Variants in KLRG1 observed in about 807,000 individuals in gnomAD.
KLRG1 encodes killer cell lectin like receptor G1.
KLRG1 carries 16 observed loss-of-function variants against 21.8 expected under a neutral mutation model. That is an observed-to-expected ratio of 0.73 (90% CI 0.50 to 1.11). The LOEUF is 1.11. KLRG1 is among the 50% of genes most tolerant of loss of function. The pLI, the probability that KLRG1 is intolerant of heterozygous loss-of-function variation, is 0.00. For missense variants in KLRG1, 173 were observed against 218.3 expected, an observed-to-expected ratio of 0.79 and a Z score of 1.31; for synonymous variants, 69 against 75.9, an observed-to-expected ratio of 0.91 and a Z score of 0.47.
At chr12:9,061,267 T>A in the KLRG1 span, among the ~76,000 whole-genome samples, 1 of 152,134 alleles carries the variant, frequency 6.6e-6, no homozygotes, top group Non-Finnish European at 1.5e-5. Flanking sequence ...CTTTTTTCTC[T>A]TAGAAAAATA....
At chr12:9,090,287 C>G in the KLRG1 span, 1 of 1,605,534 alleles carries the variant, frequency 6.2e-7, no homozygotes, top group South Asian at 1.1e-5. Context: ...AAGTAGCACT[C>G]AATATAAGGT....
chr12:9,071,425 G>GAA, the KLRG1 span, among the ~76,000 whole-genome samples: 6 of 151,244 alleles, frequency 4.0e-5, no homozygotes, highest in Admixed American at 1.3e-4. Flanking sequence ...CAAATTAAAT[G>GAA]AAAAAAATAT....
the KLRG1 span, among the ~76,000 whole-genome samples, chr12:9,105,760 A>C: frequency 6.6e-6 from 1 of 152,220 alleles, no homozygotes; most frequent in Non-Finnish European, 1.5e-5. Context: ...TAAATATACT[A>C]TCCATGAAAT....
chr12:9,121,595 T>C, the KLRG1 span, among the ~76,000 whole-genome samples: 2 of 152,208 alleles, frequency 1.3e-5, no homozygotes, highest in Non-Finnish European at 2.9e-5. The surrounding 1 kb of genome is among the most constrained non-coding windows in gnomAD (Gnocchi z 4.4). Flanking sequence ...CGTTTTATCT[T>C]TTTAATCAGG....
At chr12:9,112,670 G>C in the KLRG1 span, 1 of 901,678 alleles carries the variant, frequency 1.1e-6, no homozygotes, top group East Asian at 2.7e-5. Context: ...AGGGAAAGTT[G>C]GCATGGACAG....
At chr12:9,114,902 C>A in the KLRG1 span, among the ~76,000 whole-genome samples, 3 of 152,052 alleles carry the variant, frequency 2.0e-5, no homozygotes, top group African/African-American at 7.2e-5. Context: ...AAGTATGATT[C>A]ATACATATTA....
chr12:9,059,944 C>T, the KLRG1 span, among the ~76,000 whole-genome samples: 2 of 149,618 alleles, frequency 1.3e-5, no homozygotes, highest in Admixed American at 6.7e-5. Context: ...CCTCCCAAAC[C>T]AAAGTGTTGG....
At chr12:9,049,066 C>A in the KLRG1 span, among the ~76,000 whole-genome samples, 2 of 152,166 alleles carry the variant, frequency 1.3e-5, no homozygotes, top group African/African-American at 4.8e-5. Context: ...GAGGGACTTT[C>A]CCCAGGCTAA....
intron 1 of KLRG1, among the ~76,000 whole-genome samples, chr12:8,976,904 G>A (rs1446329082): frequency 1.3e-5 from 2 of 151,816 alleles, no homozygotes; most frequent in African/African-American, 4.8e-5. Context: ...GTACTACCAC[G>A]CCTGGCTAAT....
At chr12:9,181,062 G>T in the KLRG1 span, 14 of 1,614,048 alleles carry the variant, frequency 8.7e-6, no homozygotes, top group East Asian at 2.9e-4. Flanking sequence ...GAGGGACTGC[G>T]GAGCAGCTGC....
chr12:9,127,904 C>A, the KLRG1 span: 2 of 334,178 alleles, frequency 6.0e-6, no homozygotes, highest in Non-Finnish European at 1.2e-5. Context: ...CCATTGAAGA[C>A]CTGCGGGACA....
At chr12:9,163,591 T>C in the KLRG1 span, 41 of 1,489,916 alleles carry the variant, frequency 2.8e-5, no homozygotes, top group Admixed American at 7.7e-4. Context: ...ATGATATTAA[T>C]GGTTCTTTGT....
chr12:8,998,494 C>T (rs1947204661), intron 3 of KLRG1, among the ~76,000 whole-genome samples: 1 of 152,034 alleles, frequency 6.6e-6, no homozygotes. Context: ...TCAAGACCAG[C>T]CTGGGCAACA....
At chr12:9,181,860 G>T in the KLRG1 span, 1 of 1,165,478 alleles carries the variant, frequency 8.6e-7, no homozygotes, top group Non-Finnish European at 1.2e-6. Flanking sequence ...AACTTGTTGG[G>T]AACTGTTGGG....
At chr12:9,005,986 T>A (rs1388271624) in intron 3 of KLRG1, among the ~76,000 whole-genome samples, 2 of 152,216 alleles carry the variant, frequency 1.3e-5, no homozygotes, top group Non-Finnish European at 2.9e-5. Context: ...ACCAGCACCT[T>A]GCATGGCCTG....
At chr12:9,057,367 A>T in the KLRG1 span, among the ~76,000 whole-genome samples, 1 of 152,106 alleles carries the variant, frequency 6.6e-6, no homozygotes, top group Non-Finnish European at 1.5e-5. Context: ...GAAGGGTGGG[A>T]GGGTGACAGG....
At chr12:8,993,081 ATTTTTT>A (rs35555710) in intron 2 of KLRG1, among the ~76,000 whole-genome samples, 8 of 128,982 alleles carry the variant, frequency 6.2e-5, no homozygotes, top group Admixed American at 1.6e-4. Context: ...AACATTCTGA[ATTTTTT>A]TTTTTTTTTT....
At chr12:9,006,361 A>G (rs1023795412) in intron 3 of KLRG1, among the ~76,000 whole-genome samples, 3 of 152,204 alleles carry the variant, frequency 2.0e-5, no homozygotes, top group African/African-American at 7.2e-5. Flanking sequence ...ATTGACAGCC[A>G]TGTAGAAATC....
chr12:8,991,319 T>C (rs1157459843), intron 1 of KLRG1, among the ~76,000 whole-genome samples: 1 of 152,218 alleles, frequency 6.6e-6, no homozygotes, highest in East Asian at 1.9e-4. Context: ...CATGAAGTAG[T>C]GTCCTATTCT....
Sources: allele counts gnomAD v4.1 joint callset (sites outside exome capture counted in the v4.1 genomes callset), GRCh38; gene constraint gnomAD v4.1.1; non-coding constraint Gnocchi (gnomAD v3.1); transcripts MANE v1.5; gene names NCBI Gene and HGNC (gene_info 2026-07-23, HGNC 2026-07-21).